DCAF12L1: variants seen among roughly 807,000 people sequenced by gnomAD.
DCAF12L1 encodes the protein DDB1 and CUL4 associated factor 12 like 1, also known as DDB1- and CUL4-associated factor 12-like protein 1.
For missense variants in DCAF12L1, 251 were observed against 409.2 expected, an observed-to-expected ratio of 0.61 and a Z score of 3.34; for synonymous variants, 218 against 196.4, an observed-to-expected ratio of 1.11 and a Z score of -0.92.
At position 126,552,412 on chromosome X, in the gene DCAF12L1, G is replaced by C. The variant is rs758875700; in HGVS notation, c.197C>G (p.Ala66Gly). 3 of 1,211,067 alleles carry C rather than the reference G, an allele frequency of 2.5e-6. No homozygotes were observed. In the South Asian group the frequency reaches 5.3e-5, roughly 21 times the overall value. Residue 66 changes from alanine to glycine, a missense_variant, in exon 1 of 2, where the codon GCC (alanine) becomes GGC (glycine). Physicochemically the swap from Ala to Gly is moderately conservative, Grantham distance 60. Transcript: ENST00000371126. ...CTCGCCATCGAAGCCCTGGAGCCTG[G>C]CGGGGCCCCACCCGCCTACCTCCCG... ...KVREVGGWGP[A>G]RLQGFDGELR... is the part of the protein sequence containing the mutation.
chrX:126,550,618 G>C lies in DCAF12L1; in HGVS notation c.*512C>G, dbSNP rs753258397. On this transcript the variant is annotated 3_prime_UTR_variant, in exon 2 of 2. Coordinates refer to ENST00000371126, the MANE Select transcript of DCAF12L1 (RefSeq NM_178470.5). ...TTGAAAGAGAATAAACTTCAAAAAAGCACTTTAGCACCAACAACGTAAAAA... is the reference window on the plus strand; with the variant it reads ...TTGAAAGAGAATAAACTTCAAAAAACCACTTTAGCACCAACAACGTAAAAA... 3.6e-5 allele frequency: 4 copies of C among 112,367 alleles called. No homozygotes were observed. The highest frequency in any genetic ancestry group is 7.5e-5 in the Non-Finnish European group (4 of 53,243). The allele number at this position is 112,367 out of a possible 1,213,427, so 9.3% of individuals were successfully genotyped here.
At position 126,549,435 on chromosome X, in the gene DCAF12L1, G is replaced by T. The variant is rs1239716754; in HGVS notation, c.*1695C>A. 1 of 111,357 alleles carries T rather than the reference G, an allele frequency of 9.0e-6. No individual in the cohort carries two copies. 9.2% of individuals were successfully genotyped at this position (111,357 alleles called of 1,213,427 possible). A position where few individuals can be genotyped will look rare whatever the true frequency, so the allele number is the denominator to read the frequency against. On this transcript the variant is annotated 3_prime_UTR_variant, in exon 2 of 2. Transcript: ENST00000371126. ...TATTGACTTAAAACTTTAAACTCTA[G>T]GTCTCCAGAGGCATTCAACCAGTAC...
chrX:126,551,652 A>G lies in DCAF12L1; in HGVS notation c.957T>C (p.Ser319=). The change falls in exon 1 of 2, where the codon TCT becomes TCC. Residue 319 remains serine (S), a synonymous_variant. Coordinates refer to ENST00000371126, the MANE Select transcript of DCAF12L1 (RefSeq NM_178470.5). Reference sequence around the variant, plus strand: ...GGGAATGGGAGCCCACGGCGTACACAGACATATCATCACAGTAGGTCAGGC... The same window carrying G: ...GGGAATGGGAGCCCACGGCGTACACGGACATATCATCACAGTAGGTCAGGC... The part of the protein sequence containing the change: ...NVCLTYCDDM[S]VYAVGSHSHV... 8.3e-7 allele frequency: 1 copy of G among 1,211,979 alleles called. No homozygotes were observed. Among genetic ancestry groups the G allele is most frequent in the Non-Finnish European group, 1.1e-6 (1 of 895,618 alleles).
At position 126,551,934 on chromosome X, in the gene DCAF12L1, G is replaced by A; in HGVS notation, c.675C>T (p.Asp225=). Residue 225 remains aspartate, a synonymous_variant, in exon 1 of 2, where the codon GAC becomes GAT. Coordinates refer to ENST00000371126, the MANE Select transcript of DCAF12L1 (RefSeq NM_178470.5). ...GTVALWRMDP[D]KFDDTVAWHS... is the part of the protein sequence containing the mutation. ...GCCAGGCAACAGTGTCATCGAACTT[G>A]TCCGGGTCCATCCGCCACAGCGCCA... 1 of 1,212,321 alleles carries A rather than the reference G, an allele frequency of 8.2e-7. No individual in the cohort carries two copies. The highest frequency in any genetic ancestry group is 1.8e-5 in the South Asian group (1 of 57,058).
rs780978796 is a variant in DCAF12L1 at position 126,551,532 on chromosome X, G to A, written c.1077C>T (p.Tyr359=). 5.0e-5 allele frequency: 61 copies of A among 1,209,602 alleles called. No individual in the cohort carries two copies. The highest frequency in any genetic ancestry group is 6.4e-5 in the Non-Finnish European group (57 of 895,211). ...GGTGVRSLSF[Y]RHIITVGTGQ... ...CGGTGCCCACAGTGATGATGTGGCG[G>A]TAGAAGCTCAGCGACCGCACGCCTG... Residue 359 remains tyrosine (Y), a synonymous_variant, in exon 1 of 2, where the codon TAC becomes TAT. Transcript: ENST00000371126.
rs1416566028 is a variant in DCAF12L1 at position 126,551,761 on chromosome X, T to C, written c.848A>G (p.Asp283Gly). 1 of 1,210,721 alleles carries C rather than the reference T, an allele frequency of 8.3e-7. No individual in the cohort carries two copies. The highest frequency in any genetic ancestry group is 1.1e-6 in the Non-Finnish European group (1 of 895,302). Residue 283 changes from aspartate to glycine, a missense_variant, in exon 1 of 2, where the codon GAC becomes GGC. Asp to Gly is a moderately conservative substitution (Grantham distance 94). Coordinates refer to ENST00000371126, the MANE Select transcript of DCAF12L1 (RefSeq NM_178470.5). ...KNQELGAVSL[D>G]GYFHLWKAGS... Reference sequence around the variant, plus strand: ...GGCTTTCCACAGGTGGAAGTAGCCGTCCAAGGACACCGCTCCCAGTTCCTG... The same window carrying C: ...GGCTTTCCACAGGTGGAAGTAGCCGCCCAAGGACACCGCTCCCAGTTCCTG...
In DCAF12L1 at chrX:126,552,426, G is replaced by A. The variant is rs996409534; in HGVS notation, c.183C>T (p.Gly61=). ...MAHYLKVREV[G]GWGPARLQGF... ...CCTGGAGCCTGGCGGGGCCCCACCC[G>A]CCTACCTCCCGAACCTTCAGATAGT... Residue 61 remains glycine, a synonymous_variant, in exon 1 of 2, where the codon GGC becomes GGT. Transcript: ENST00000371126. The A allele has an allele frequency of 8.3e-7, 1 of 1,210,892 alleles. No homozygotes were observed. Among genetic ancestry groups the A allele is most frequent in the South Asian group, 1.8e-5 (1 of 56,977 alleles).
chrX:126,551,457 C>T lies in DCAF12L1; in HGVS notation c.1152G>A (p.Glu384=). 1 of 1,211,984 alleles carries T rather than the reference C, an allele frequency of 8.3e-7. No individual in the cohort carries two copies. Among genetic ancestry groups the T allele is most frequent in the Non-Finnish European group, 1.1e-6 (1 of 895,594 alleles). ...ACTCCAGGGTGGCGGAGGCTCTTTC[C>T]TCCAGGAATTTCTGGGCCCGGACGT... ...FYDVRAQKFL[E]ERASATLESS... Residue 384 remains glutamate, a synonymous_variant, in exon 1 of 2, where the codon GAG becomes GAA. Transcript: ENST00000371126.
rs182467374 is a variant in DCAF12L1, at chrX:126,550,465, A to T, written c.*665T>A. The stretch of plus-strand genomic sequence containing the variant: ...TAACAACTTAAATAAGTTTTGAAAT[A>T]AAAAAAAATGGTTGTTTCAACTTTC... On this transcript the variant is annotated 3_prime_UTR_variant, in exon 2 of 2. Transcript: ENST00000371126. 0.022 allele frequency: 2,412 copies of T among 111,164 alleles called. 16 individuals are homozygous for T. The highest frequency in any genetic ancestry group is 0.028 in the South Asian group (75 of 2,657). 9.2% of individuals were successfully genotyped at this position (111,164 alleles called of 1,213,427 possible).
chrX:126,552,603 G>T lies in DCAF12L1; in HGVS notation c.6C>A (p.Ala2=). 1 of 1,204,446 alleles carries T rather than the reference G, an allele frequency of 8.3e-7. No individual in the cohort carries two copies. The highest frequency in any genetic ancestry group is 1.1e-6 in the Non-Finnish European group (1 of 894,521). The part of the protein sequence containing the change: M[A]QQQTGSRKRK... ...GTTTCCTGCTACCTGTTTGCTGCTG[G>T]GCCATGGTGGGCGGCGGGCGAGCGG... The change falls in exon 1 of 2, where the codon GCC becomes GCA. Residue 2 remains alanine (A), a synonymous_variant. Transcript: ENST00000371126.
intron 1 of DCAF12L1, 29 bp downstream of exon 1, chrX:126,551,166 G>A (rs902771060): frequency 8.7e-7 from 1 of 1,149,584 alleles, no homozygotes; most frequent in Non-Finnish European, 1.2e-6. Context: ...AAGGGCAGTC[G>A]GGCGGAACTG....
rs754370345 is a variant in DCAF12L1 at position 126,552,675 on chromosome X, G to C, written c.-67C>G. 1.0e-5 allele frequency: 12 copies of C among 1,159,087 alleles called. No individual in the cohort carries two copies. In the African/African-American group the frequency reaches 1.5e-4, roughly 14 times the overall value. On this transcript the variant is annotated 5_prime_UTR_variant, in exon 1 of 2. Coordinates refer to ENST00000371126, the MANE Select transcript of DCAF12L1 (RefSeq NM_178470.5). ...GGTTGCAGCGCGTGGCTCCGGAGTC[G>C]GTCGTGGCGGCGGCGTGGATGGCTG...
Position 126,551,978 on chromosome X carries a change from C to A in DCAF12L1, c.631G>T (p.Gly211Cys). The A allele has an allele frequency of 8.2e-7, 1 of 1,212,469 alleles. No individual in the cohort carries two copies. The highest frequency in any genetic ancestry group is 1.8e-5 in the South Asian group (1 of 57,077). Residue 211 changes from glycine to cysteine, a missense_variant, in exon 1 of 2, where the codon GGC becomes TGC. Transcript: ENST00000371126. ...AGCGCCACAGTGCCGTCGCGGGAGC[C>A]GCTCACGGCTACGGTGTCACTCAGC... ...AWLSDTVAVS[G>C]SRDGTVALWR...
chrX:126,551,966 C>A lies in DCAF12L1; in HGVS notation c.643G>T (p.Gly215Cys). 8.2e-7 allele frequency: 1 copy of A among 1,212,366 alleles called. No homozygotes were observed. Reference protein sequence around the residue: ...DTVAVSGSRDGTVALWRMDPD... With the variant: ...DTVAVSGSRDCTVALWRMDPD... ...TCCATCCGCCACAGCGCCACAGTGCCGTCGCGGGAGCCGCTCACGGCTACG... is the reference window on the plus strand; with the variant it reads ...TCCATCCGCCACAGCGCCACAGTGCAGTCGCGGGAGCCGCTCACGGCTACG... The change falls in exon 1 of 2, where the codon GGC becomes TGC. Residue 215 changes from glycine to cysteine, a missense_variant. Transcript: ENST00000371126.
At position 126,552,479 on chromosome X, in the gene DCAF12L1, G is replaced by A. The variant is rs771813149; in HGVS notation, c.130C>T (p.Arg44Trp). Residue 44 changes from arginine (R) to tryptophan (W), a missense_variant, in exon 1 of 2, where the codon CGG becomes TGG. By Grantham distance (101) the Arg-to-Trp change is moderately radical. Transcript: ENST00000371126. ...GCCATCGAGCGATACGTCGCCGGCC[G>A]CCTCTGCCTCTTGAGTAGCAGCGGC... ...EGPLLLKRQR[R>W]PATYRSMAHY... The A allele has an allele frequency of 2.1e-5, 25 of 1,210,414 alleles. No homozygotes were observed. Among genetic ancestry groups the A allele is most frequent in the Non-Finnish European group, 2.6e-5 (23 of 895,347 alleles).
In DCAF12L1 at chrX:126,549,550, T is replaced by C. The variant is rs190961567; in HGVS notation, c.*1580A>G. ...AATTGTATTCTCTGTTCTCAAGACA[T>C]TTACAACTGACTTGGAGACGCATGC... On this transcript the variant is annotated 3_prime_UTR_variant, in exon 2 of 2. Transcript: ENST00000371126. 3 of 112,336 alleles carry C rather than the reference T, an allele frequency of 2.7e-5. No homozygotes were observed. In the Admixed American group the frequency reaches 2.8e-4, roughly 11 times the overall value. 9.3% of individuals were successfully genotyped at this position (112,336 alleles called of 1,213,427 possible).
chrX:126,551,512 C>T lies in DCAF12L1; in HGVS notation c.1097G>A (p.Gly366Asp). Residue 366 changes from glycine (G) to aspartate (D), a missense_variant, in exon 1 of 2, where the codon GGC becomes GAC. Transcript: ENST00000371126. ...GAAGAGCAGGGAGCCCTGACCGGTG[C>T]CCACAGTGATGATGTGGCGGTAGAA... ...LSFYRHIITV[G>D]TGQGSLLFYD... 1 of 1,211,557 alleles carries T rather than the reference C, an allele frequency of 8.3e-7. No individual in the cohort carries two copies. The highest frequency in any genetic ancestry group is 1.1e-6 in the Non-Finnish European group (1 of 895,525).
rs914971857 is a variant in DCAF12L1, at chrX:126,551,124, G to A, written c.*23-17C>T. 6.6e-6 allele frequency: 7 copies of A among 1,054,048 alleles called. No homozygotes were observed. The Admixed American group carries it at 1.9e-4, about 29-fold the overall frequency. 86.9% of individuals were successfully genotyped at this position (1,054,048 alleles called of 1,213,427 possible). ...TGGTTCCACCTGGAAAACAAAAGAC[G>A]CACAGAGTTAAAAGCAAAAAAATGC... On this transcript the variant is annotated splice_polypyrimidine_tract_variant and intron_variant, in intron 1 of 1. Coordinates refer to ENST00000371126, the MANE Select transcript of DCAF12L1 (RefSeq NM_178470.5).
Position 126,551,715 on chromosome X carries a change from C to G in DCAF12L1, c.894G>C (p.Leu298=), listed in dbSNP as rs767460606. Reference sequence around the variant, plus strand: ...GGAAGTAGGGCAGCCTGATGGACAGCAGCCTGGATAGTGCGCTCCCGGCTT... The same window carrying G: ...GGAAGTAGGGCAGCCTGATGGACAGGAGCCTGGATAGTGCGCTCCCGGCTT... ...LWKAGSALSR[L]LSIRLPYFRD... is the part of the protein sequence containing the mutation. Residue 298 remains leucine (L), a synonymous_variant, in exon 1 of 2, where the codon CTG becomes CTC. Transcript: ENST00000371126. The G allele has an allele frequency of 5.0e-6, 6 of 1,210,854 alleles. No homozygotes were observed. The African/African-American group carries it at 7.0e-5, about 14-fold the overall frequency.
Sources: gnomAD v4.1 joint callset for allele counts on GRCh38, gnomAD v4.1.1 for gene constraint, MANE v1.5 for transcripts, NCBI Gene and HGNC (gene_info 2026-07-23, HGNC 2026-07-21) for gene names.